The following TMOD1 variants were observed in gnomAD, a reference collection of about 807,000 sequenced individuals.
The protein encoded by TMOD1 is tropomodulin 1, also known as tropomodulin-1.
In TMOD1, 17 loss-of-function variants were observed where a neutral mutation model predicts 40.6. The observed-to-expected ratio is 0.42, with a 90% CI of 0.29 to 0.63. The LOEUF (loss-of-function observed/expected upper bound fraction) is 0.63, where lower values mean the gene tolerates loss of function less well. Among genes scored for constraint, TMOD1 ranks in the 20% least tolerant of loss-of-function variants. The pLI is 0.22. For missense variants in TMOD1, 391 were observed against 447.6 expected, an observed-to-expected ratio of 0.87 and a Z score of 1.14; for synonymous variants, 181 against 175.0, an observed-to-expected ratio of 1.03 and a Z score of -0.27.
chr9:97,581,703 G>A lies in TMOD1; in HGVS notation c.871-9588G>A, dbSNP rs1234647485. On this transcript the variant is annotated intron_variant, in intron 8 of 9. Coordinates refer to ENST00000259365, the MANE Select transcript of TMOD1 (RefSeq NM_003275.4). ...ATCGCCAGTCTAACTGGTGTGAGAT[G>A]GTATCTCATTGTGGTTTTGATTTGC... Among the ~76,000 whole-genome samples the A allele has an allele frequency of 4.6e-5, 7 of 151,680 alleles. No individual in the cohort carries two copies. The East Asian group carries it at 9.8e-4, about 21-fold the overall frequency.
chr9:97,514,373 C>T (rs888774566), intron 1 of TMOD1, among the ~76,000 whole-genome samples: 1 of 151,932 alleles, frequency 6.6e-6, no homozygotes. Context: ...CCGCCTTGGC[C>T]TCCTAAAGTG....
chr9:97,574,254 CGCTTGCGG>C (rs1428788232), intron 8 of TMOD1, among the ~76,000 whole-genome samples: 2 of 151,936 alleles, frequency 1.3e-5, no homozygotes, highest in Non-Finnish European at 2.9e-5. Flanking sequence ...CTGTGCGCGG[CGCTTGCGG>C]GCCAGCGCGT....
At chr9:97,564,209 G>A (rs748136324) in intron 6 of TMOD1, 41 bp downstream of exon 6, 3 of 1,553,112 alleles carry the variant, frequency 1.9e-6, no homozygotes, top group Non-Finnish European at 2.6e-6. Context: ...TGTGGCTGGG[G>A]GAGGGGGAAC....
intron 1 of TMOD1, among the ~76,000 whole-genome samples, chr9:97,510,994 TA>T (rs997774381): frequency 2.8e-4 from 42 of 152,088 alleles, no homozygotes; most frequent in African/African-American, 9.9e-4. Context: ...CCCTGTTGCT[TA>T]CAGATGATTG....
At chr9:97,528,925 T>C (rs1830057245) in intron 2 of TMOD1, among the ~76,000 whole-genome samples, 1 of 152,248 alleles carries the variant, frequency 6.6e-6, no homozygotes, top group African/African-American at 2.4e-5. Context: ...TTCTAAGGAA[T>C]TTGAAAATAT....
At chr9:97,516,460 T>C (rs894669816) in intron 1 of TMOD1, 1 of 152,922 alleles carries the variant, frequency 6.5e-6, no homozygotes, top group Non-Finnish European at 1.5e-5. Flanking sequence ...TATCCATCCA[T>C]GGGAAGCAGT....
intron 1 of TMOD1, among the ~76,000 whole-genome samples, chr9:97,504,545 C>T (rs1240047170): frequency 6.6e-6 from 1 of 152,084 alleles, no homozygotes; most frequent in Non-Finnish European, 1.5e-5. Context: ...GGATTGGGGA[C>T]CTTCCTTAGT....
chr9:97,536,355 G>A (rs1830184580), intron 2 of TMOD1, among the ~76,000 whole-genome samples: 1 of 152,162 alleles, frequency 6.6e-6, no homozygotes, highest in South Asian at 2.1e-4. Flanking sequence ...TGTGGAGGCA[G>A]GTGGGCGTCT....
intron 6 of TMOD1, 54 bp from the exon 7 acceptor site, chr9:97,565,794 G>T: frequency 6.9e-7 from 1 of 1,454,612 alleles, no homozygotes. Context: ...ACCTGCCTCA[G>T]CCTGTCCCAG....
chr9:97,586,335 A>G (rs2131287275), intron 8 of TMOD1, among the ~76,000 whole-genome samples: 2 of 152,124 alleles, frequency 1.3e-5, no homozygotes, highest in East Asian at 3.9e-4. Context: ...GGGGTCAGGG[A>G]CCCACTTGAG....
At chr9:97,555,469 T>G in intron 4 of TMOD1, 1 of 1,432,510 alleles carries the variant, frequency 7.0e-7, no homozygotes, top group East Asian at 2.5e-5. Flanking sequence ...GTGCTACGTT[T>G]CTGTGTGGCT....
rs1400783555 is a variant in TMOD1 at position 97,541,360 on chromosome 9, G to A, written c.121-4825G>A. ...GCGCCACCATGCCCGGCTAATTTTT[G>A]TATTTTTAGTAGAGACGGGGTTTCG... On this transcript the variant is annotated intron_variant, in intron 2 of 9. Coordinates refer to ENST00000259365, the MANE Select transcript of TMOD1 (RefSeq NM_003275.4). Among the ~76,000 whole-genome samples, 11 of 151,994 alleles carry A rather than the reference G, an allele frequency of 7.2e-5. No homozygotes were observed. In the East Asian group the frequency reaches 1.9e-3, roughly 27 times the overall value.
intron 2 of TMOD1, among the ~76,000 whole-genome samples, chr9:97,528,467 G>T (rs1249380885): frequency 9.2e-5 from 14 of 152,192 alleles, no homozygotes; most frequent in Non-Finnish European, 1.5e-5. Context: ...GAGAGGATAG[G>T]AGATAATGGA....
intron 1 of TMOD1, among the ~76,000 whole-genome samples, chr9:97,503,076 C>G (rs1829531648): frequency 6.6e-6 from 1 of 152,188 alleles, no homozygotes; most frequent in African/African-American, 2.4e-5. Flanking sequence ...AACCCAGGTG[C>G]TGGGCCCTCA....
intron 1 of TMOD1, among the ~76,000 whole-genome samples, chr9:97,508,070 CACACA>C (rs1441282762): frequency 7.5e-6 from 1 of 133,202 alleles, no homozygotes; most frequent in Non-Finnish European, 1.6e-5. Context: ...CACACACACA[CACACA>C]CACACACACA....
At chr9:97,551,520 T>C (rs1587937306) in intron 3 of TMOD1, among the ~76,000 whole-genome samples, 1 of 152,352 alleles carries the variant, frequency 6.6e-6, no homozygotes, top group African/African-American at 2.4e-5. Context: ...CCATAGATGT[T>C]TGAGTTTCTT....
chr9:97,584,338 T>C (rs1278579864), intron 8 of TMOD1, among the ~76,000 whole-genome samples: 2 of 152,008 alleles, frequency 1.3e-5, no homozygotes, highest in Non-Finnish European at 2.9e-5. Flanking sequence ...TCCTGAGTTC[T>C]AGTTTGATTG....
At chr9:97,574,634 C>A (rs1425648595) in intron 8 of TMOD1, among the ~76,000 whole-genome samples, 16 of 152,256 alleles carry the variant, frequency 1.1e-4, no homozygotes, top group African/African-American at 3.6e-4. Flanking sequence ...GCCAGCTGGG[C>A]TCCTGAGTCT....
chr9:97,597,319 A>C (rs1173598631), intron 9 of TMOD1, among the ~76,000 whole-genome samples: 1 of 152,194 alleles, frequency 6.6e-6, no homozygotes, highest in African/African-American at 2.4e-5. Context: ...TCCTGGTCTC[A>C]ACTTCCTTCA....
Sources: allele counts gnomAD v4.1 joint callset (sites outside exome capture counted in the v4.1 genomes callset), GRCh38; gene constraint gnomAD v4.1.1; transcripts MANE v1.5; gene names NCBI Gene and HGNC (gene_info 2026-07-23, HGNC 2026-07-21).